SH3KBP1: variants seen among roughly 807,000 people sequenced by gnomAD.
SH3KBP1 encodes the protein SH3 domain-containing kinase-binding protein 1.
In SH3KBP1, 8 loss-of-function variants were observed where a neutral mutation model predicts 50.1. The ratio of observed to expected loss-of-function variants is 0.16; its 90% CI spans 0.09 to 0.29. The LOEUF is 0.29. SH3KBP1 is among the 10% of genes least tolerant of loss of function. SH3KBP1 has a pLI of 1.00. For missense variants in SH3KBP1, 377 were observed against 535.2 expected (o/e 0.70, Z 2.92); for synonymous variants, 227 against 218.6 (o/e 1.04, Z -0.34).
At chrX:19,657,511 T>C (rs1345457076) in intron 6 of SH3KBP1, among the ~76,000 whole-genome samples, 5 of 109,997 alleles carry the variant, frequency 4.5e-5, no homozygotes, top group African/African-American at 1.7e-4. Flanking sequence ...GGGTGGATCA[T>C]GAGGTCAAGA....
At chrX:19,760,041 C>CCTCTCTCTCTCTCCCTCT (rs2065351545) in intron 2 of SH3KBP1, among the ~76,000 whole-genome samples, 1 of 50,459 alleles carries the variant, frequency 2.0e-5, no homozygotes, top group Non-Finnish European at 3.6e-5. Flanking sequence ...TCTCTCTCTC[C>CCTCTCTCTCTCTCCCTCT]CTCTCTCTCT....
chrX:19,694,330 C>T (rs1360747675), intron 5 of SH3KBP1, among the ~76,000 whole-genome samples: 1 of 111,388 alleles, frequency 9.0e-6, no homozygotes, highest in Non-Finnish European at 1.9e-5. Flanking sequence ...ATTTTGAAAG[C>T]AATAGTAATT....
chrX:19,594,271 G>A (rs997326032), intron 10 of SH3KBP1, among the ~76,000 whole-genome samples: 1 of 111,535 alleles, frequency 9.0e-6, no homozygotes, highest in East Asian at 2.8e-4. Flanking sequence ...GAGTTCTACC[G>A]GGAAATATGA....
rs1556345973 is a variant in SH3KBP1, at chrX:19,760,023, C to CTCTCTCT, written c.163-13583_163-13582insAGAGAGA. ...AATCAGTCTCGGTCTCTCTCTCTCT[C>CTCTCTCT]CTCTCTCTCTCTCTCTCCCTCTCTC... On this transcript the variant is annotated intron_variant, in intron 2 of 17. Coordinates refer to ENST00000397821, the MANE Select transcript of SH3KBP1 (RefSeq NM_031892.3). 1.8e-4 allele frequency among the ~76,000 whole-genome samples: 15 copies of CTCTCTCT among 83,586 alleles called. 1 individual carries two copies. The South Asian group carries it at 8.5e-3, about 47-fold the overall frequency. The allele number at this position is 83,586 out of a possible 115,157, so 72.6% of individuals were successfully genotyped here.
At chrX:19,726,437 A>C (rs756880489) in intron 3 of SH3KBP1, among the ~76,000 whole-genome samples, 1 of 111,686 alleles carries the variant, frequency 9.0e-6, no homozygotes. Flanking sequence ...CAACATTTGC[A>C]TAGGTAACTA....
intron 16 of SH3KBP1, among the ~76,000 whole-genome samples, chrX:19,541,142 C>T (rs188376334): frequency 8.9e-6 from 1 of 111,962 alleles, no homozygotes; most frequent in Admixed American, 9.4e-5. Context: ...GTCTCAAACT[C>T]CTGACCTCAG....
chrX:19,837,629 C>T (rs2068093937), intron 1 of SH3KBP1, among the ~76,000 whole-genome samples: 2 of 109,142 alleles, frequency 1.8e-5, no homozygotes, highest in South Asian at 4.0e-4. Flanking sequence ...TTAGTAGAGA[C>T]GGGGTTTCAC....
At chrX:19,763,769 C>A (rs1347814734) in intron 2 of SH3KBP1, among the ~76,000 whole-genome samples, 1 of 110,951 alleles carries the variant, frequency 9.0e-6, no homozygotes. Context: ...TGCCTGTAAT[C>A]CCAGCACTTT....
chrX:19,759,413 G>A (rs977526213), intron 2 of SH3KBP1, among the ~76,000 whole-genome samples: 4 of 111,923 alleles, frequency 3.6e-5, no homozygotes, highest in Admixed American at 9.5e-5. Context: ...GAGGGCCAAC[G>A]ATTTCAAAGC....
At chrX:19,704,902 A>G (rs1413577545) in intron 4 of SH3KBP1, among the ~76,000 whole-genome samples, 2 of 112,463 alleles carry the variant, frequency 1.8e-5, no homozygotes, top group African/African-American at 3.2e-5. Flanking sequence ...AACACGTTTC[A>G]CATGTTTCTT....
chrX:19,608,037 G>T lies in SH3KBP1; in HGVS notation c.906C>A (p.Ile302=), dbSNP rs748098458. ...GCTCTCCTTCCCACCAGCCTACGTC[G>T]ATGCAGTCCTAGAAAACAGGAGAAC... The part of the protein sequence containing the change: ...DIVTLINKDC[I]DVGWWEGELN... The change falls in exon 9 of 18, where the codon ATC becomes ATA. Residue 302 remains isoleucine (I), a synonymous_variant. Transcript: ENST00000397821. 2 of 1,208,244 alleles carry T rather than the reference G, an allele frequency of 1.7e-6. No homozygotes were observed. The highest frequency in any genetic ancestry group is 4.4e-5 in the Admixed American group (2 of 45,931).
At position 19,551,678 on chromosome X, in the gene SH3KBP1, C is replaced by T. The variant is rs190532476; in HGVS notation, c.1385-1595G>A. Among the ~76,000 whole-genome samples the T allele has an allele frequency of 2.3e-3, 250 of 107,830 alleles. 1 individual carries two copies. Among genetic ancestry groups the T allele is most frequent in the African/African-American group, 7.7e-3 (225 of 29,247 alleles). The allele number at this position is 107,830 out of a possible 115,157, so 93.6% of individuals were successfully genotyped here. A position where few individuals can be genotyped will look rare whatever the true frequency, so the allele number is the denominator to read the frequency against. On this transcript the variant is annotated intron_variant, in intron 13 of 17. Coordinates refer to ENST00000397821, the MANE Select transcript of SH3KBP1 (RefSeq NM_031892.3). The stretch of plus-strand genomic sequence containing the variant: ...TTCCATCTCAGCCTCCCTACAGGCA[C>T]GCAACACCACACCTGGCTAATTTTT...
intron 6 of SH3KBP1, among the ~76,000 whole-genome samples, chrX:19,673,104 C>T (rs1226392806): frequency 1.8e-5 from 2 of 108,128 alleles, no homozygotes; most frequent in East Asian, 5.7e-4. Flanking sequence ...TGAAACGTAC[C>T]ACGTTAATGC....
chrX:19,877,911 C>T (rs919333969), intron 1 of SH3KBP1, among the ~76,000 whole-genome samples: 9 of 112,405 alleles, frequency 8.0e-5, no homozygotes, highest in Admixed American at 3.8e-4. Context: ...CCCACCACTT[C>T]CGTGGCCACA....
chrX:19,576,982 C>T (rs1472446909), intron 12 of SH3KBP1, among the ~76,000 whole-genome samples: 1 of 112,271 alleles, frequency 8.9e-6, no homozygotes, highest in Non-Finnish European at 1.9e-5. Flanking sequence ...TCAGATGGGC[C>T]ATTTTGGCTC....
intron 1 of SH3KBP1, among the ~76,000 whole-genome samples, chrX:19,872,252 C>CAAAAAAAAAAAAAAAA (rs67033348): frequency 1.3e-4 from 5 of 37,961 alleles, no homozygotes; most frequent in Non-Finnish European, 2.3e-4. Flanking sequence ...AACTTCATCT[C>CAAAAAAAAAAAAAAAA]AAAAAAAAAA....
At chrX:19,830,453 T>C (rs1244623414) in intron 2 of SH3KBP1, among the ~76,000 whole-genome samples, 1 of 111,682 alleles carries the variant, frequency 9.0e-6, no homozygotes, top group Non-Finnish European at 1.9e-5. Context: ...AAGAAAAATG[T>C]ATTCCAAAAT....
At chrX:19,771,924 CA>C (rs112094907) in intron 2 of SH3KBP1, among the ~76,000 whole-genome samples, 1,159 of 90,341 alleles carry the variant, frequency 0.013, 15 homozygotes, top group African/African-American at 0.042. Flanking sequence ...ACAATTAAAA[CA>C]AAAAAAAAAA....
At chrX:19,643,307 A>T (rs73631365) in intron 7 of SH3KBP1, among the ~76,000 whole-genome samples, 16,083 of 73,325 alleles carry the variant, frequency 0.22, 1,967 homozygotes, top group African/African-American at 0.44. Context: ...AGAATTTTTT[A>T]TTTTTTTTTT....
Sources: allele counts gnomAD v4.1 joint callset (sites outside exome capture counted in the v4.1 genomes callset), GRCh38; gene constraint gnomAD v4.1.1; transcripts MANE v1.5; gene names NCBI Gene and HGNC (gene_info 2026-07-23, HGNC 2026-07-21).